Variants in GRID1 observed in about 807,000 individuals in gnomAD.
The protein encoded by GRID1 is glutamate receptor ionotropic, delta-1.
In GRID1, 28 loss-of-function variants were observed where a neutral mutation model predicts 98.0. The observed-to-expected ratio is 0.29, with a 90% CI of 0.21 to 0.39. The LOEUF is 0.39. Ranked by LOEUF, GRID1 falls within the 10% of genes least tolerant of loss-of-function variation. The pLI is 1.00. For synonymous variants in GRID1, 553 were observed against 538.5 expected, an observed-to-expected ratio of 1.03 and a Z score of -0.37; for missense variants, 1,111 against 1,340.5, an observed-to-expected ratio of 0.83 and a Z score of 2.67.
intron 8 of GRID1, among the ~76,000 whole-genome samples, chr10:85,750,975 G>A (rs1056786258): frequency 1.3e-5 from 2 of 152,182 alleles, no homozygotes; most frequent in African/African-American, 4.8e-5. Flanking sequence ...CCACAATGTT[G>A]GATAGTAATT....
chr10:85,936,207 G>A (rs1476867664), intron 4 of GRID1, among the ~76,000 whole-genome samples: 1 of 152,236 alleles, frequency 6.6e-6, no homozygotes, highest in Non-Finnish European at 1.5e-5. Flanking sequence ...ATGGAAGTTA[G>A]CTAGAAAGAC....
At chr10:85,702,148 T>C (rs541807777) in intron 12 of GRID1, among the ~76,000 whole-genome samples, 2 of 152,236 alleles carry the variant, frequency 1.3e-5, no homozygotes, top group South Asian at 4.1e-4. Flanking sequence ...TTAAAAATAC[T>C]ATAATTTACT....
At chr10:85,728,101 A>C in intron 9 of GRID1, 49 bp from the exon 10 acceptor site, 8 of 1,226,384 alleles carry the variant, frequency 6.5e-6, no homozygotes, top group Non-Finnish European at 8.5e-6. Context: ...AGGTTCATCA[A>C]CACATATTTC....
At chr10:86,213,937 G>T (rs1025954562) in intron 2 of GRID1, among the ~76,000 whole-genome samples, 1 of 152,042 alleles carries the variant, frequency 6.6e-6, no homozygotes, top group African/African-American at 2.4e-5. Context: ...CCACCACCAG[G>T]CCTGAATGCT....
At chr10:86,125,891 C>T (rs1346845658) in intron 4 of GRID1, among the ~76,000 whole-genome samples, 2 of 152,120 alleles carry the variant, frequency 1.3e-5, no homozygotes, top group Admixed American at 6.5e-5. Context: ...GTATATAATA[C>T]CTATAACATA....
intron 8 of GRID1, among the ~76,000 whole-genome samples, chr10:85,831,298 G>A (rs1256506422): frequency 6.6e-6 from 1 of 151,998 alleles, no homozygotes; most frequent in Admixed American, 6.6e-5. Context: ...GGTGGAGGGT[G>A]GGAGGGAGAG....
At chr10:85,665,055 T>C (rs1037366844) in intron 12 of GRID1, among the ~76,000 whole-genome samples, 1 of 152,252 alleles carries the variant, frequency 6.6e-6, no homozygotes, top group Admixed American at 6.5e-5. Flanking sequence ...CAATAAATGA[T>C]ACGTCATTAT....
intron 4 of GRID1, among the ~76,000 whole-genome samples, chr10:86,070,417 T>C (rs1277473300): frequency 6.6e-6 from 1 of 152,200 alleles, no homozygotes; most frequent in Non-Finnish European, 1.5e-5. Context: ...GGAGGCTATT[T>C]CTTCCTGGCA....
intron 4 of GRID1, among the ~76,000 whole-genome samples, chr10:86,117,079 ACACCTTTACCACCAC>A: frequency 6.7e-6 from 1 of 148,616 alleles, no homozygotes; most frequent in Non-Finnish European, 1.5e-5. Flanking sequence ...ACCAATAACA[ACACCTTTACCACCAC>A]CACCATTACC....
chr10:86,364,684 G>A (rs1462528049), intron 1 of GRID1, among the ~76,000 whole-genome samples: 13 of 152,206 alleles, frequency 8.5e-5, no homozygotes, highest in Admixed American at 8.5e-4. Context: ...GACGCTGCCC[G>A]GCCTGGCGCC....
chr10:86,237,917 C>A (rs188961217), intron 2 of GRID1, among the ~76,000 whole-genome samples: 1 of 151,872 alleles, frequency 6.6e-6, no homozygotes, highest in African/African-American at 2.4e-5. Flanking sequence ...TGAGAACCGA[C>A]GAATACAGCA....
intron 4 of GRID1, among the ~76,000 whole-genome samples, chr10:86,014,018 T>C (rs1459064941): frequency 6.6e-6 from 1 of 152,164 alleles, no homozygotes; most frequent in Non-Finnish European, 1.5e-5. Context: ...GATGCCATAT[T>C]TGGGTGTGCT....
intron 4 of GRID1, among the ~76,000 whole-genome samples, chr10:86,108,789 T>G (rs1246779905): frequency 1.3e-5 from 2 of 152,210 alleles, no homozygotes; most frequent in Non-Finnish European, 2.9e-5. Context: ...ACCAGCATGT[T>G]TTGAAAAAGG....
chr10:85,873,090 T>C (rs1242918342), intron 5 of GRID1, among the ~76,000 whole-genome samples: 1 of 152,200 alleles, frequency 6.6e-6, no homozygotes, highest in East Asian at 1.9e-4. Flanking sequence ...GGGTCTCTTG[T>C]AGTGCCACAG....
intron 4 of GRID1, among the ~76,000 whole-genome samples, chr10:86,069,750 G>C (rs1843775932): frequency 6.6e-6 from 1 of 152,218 alleles, no homozygotes; most frequent in African/African-American, 2.4e-5. Context: ...CAGTGGAAAA[G>C]ATGTCCGGGA....
Position 85,619,992 on chromosome 10 carries a change from C to A in GRID1, c.2235G>T (p.Val745=). 2 of 1,614,108 alleles carry A rather than the reference C, an allele frequency of 1.2e-6. No individual in the cohort carries two copies. The highest frequency in any genetic ancestry group is 2.2e-5 in the South Asian group (2 of 91,086). Residue 745 remains valine, a synonymous_variant, in exon 14 of 16, where the codon GTG becomes GTT. Transcript: ENST00000327946. The stretch of plus-strand genomic sequence containing the variant: ...CATCCGTCAGGGCTGCGTATTCCAC[C>A]ACGGCCACATCCCACAGGAAGGCGT... ...GNYAFLWDVA[V]VEYAALTDDD...
intron 3 of GRID1, among the ~76,000 whole-genome samples, chr10:86,202,778 G>C (rs1008415238): frequency 5.3e-5 from 8 of 152,162 alleles, no homozygotes; most frequent in African/African-American, 1.9e-4. Flanking sequence ...GACATTCCAG[G>C]GTTTAAAGGG....
At chr10:85,836,030 C>CA (rs1310635155) in intron 8 of GRID1, among the ~76,000 whole-genome samples, 1 of 151,296 alleles carries the variant, frequency 6.6e-6, no homozygotes, top group Non-Finnish European at 1.5e-5. Context: ...AAAATGCAGC[C>CA]AAAATAGTTC....
At chr10:86,255,172 G>A (rs1846898468) in intron 2 of GRID1, among the ~76,000 whole-genome samples, 1 of 152,236 alleles carries the variant, frequency 6.6e-6, no homozygotes, top group Admixed American at 6.5e-5. Context: ...GGCGTGCAAA[G>A]AAGCAAGCCA....
Sources: gnomAD v4.1 joint callset for allele counts (sites outside exome capture counted in the v4.1 genomes callset) on GRCh38, gnomAD v4.1.1 for gene constraint, MANE v1.5 for transcripts, NCBI Gene and HGNC (gene_info 2026-07-23, HGNC 2026-07-21) for gene names.